BLACAT1: variants seen among roughly 807,000 people sequenced by gnomAD.
BLACAT1 encodes bladder cancer associated transcript 1.
downstream of BLACAT1, chr1:205,437,931 T>C (rs142389744): frequency 4.3e-4 from 66 of 152,298 alleles, no homozygotes; most frequent in African/African-American, 1.4e-3. Context: ...TCTTTTTTTT[T>C]CCTAAAAATA....
Position 205,440,443 on chromosome 1 carries a change from G to A in BLACAT1, c.*482C>T, listed in dbSNP as rs147490065. Among the ~76,000 whole-genome samples the A allele has an allele frequency of 1.9e-3, 283 of 152,304 alleles. 2 individuals are homozygous for A. Among genetic ancestry groups the A allele is most frequent in the African/African-American group, 6.6e-3 (273 of 41,572 alleles). ...TGCCCCAGGTCCTGGAATCCCAGGA[G>A]AGTCTCACACTTCCGCCCTGGAGGC... On this transcript the variant is annotated 3_prime_UTR_variant, in exon 2 of 2. Coordinates refer to ENST00000629624, the Ensembl canonical transcript of BLACAT1.
chr1:205,448,208 G>A lies in BLACAT1; in HGVS notation c.-36-7146C>T, dbSNP rs1249322554. 8 of 457,312 alleles carry A rather than the reference G, an allele frequency of 1.7e-5. No individual in the cohort carries two copies. The highest frequency in any genetic ancestry group is 4.8e-5 in the South Asian group (3 of 62,092). The allele number at this position is 457,312 out of a possible 1,614,324, so 28.3% of individuals were successfully genotyped here. On this transcript the variant is annotated intron_variant, in intron 1 of 1. Transcript: ENST00000629624. The surrounding 1 kb of genome is among the most constrained non-coding windows in gnomAD (Gnocchi z 4.7). ...CCCCGATCCCAGGTTACCAGATCCC[G>A]TGATGCCCCACCCCCAAGCAAAGCC...
At chr1:205,439,802 A>G (rs1666264126), downstream of BLACAT1, among the ~76,000 whole-genome samples, 1 of 152,122 alleles carries the variant, frequency 6.6e-6, no homozygotes, top group Non-Finnish European at 1.5e-5. Context: ...AGCCCCGGAG[A>G]ACTCCAGGAT....
intron 1 of BLACAT1, among the ~76,000 whole-genome samples, chr1:205,453,530 C>T (rs1453674759): frequency 6.6e-6 from 1 of 152,192 alleles, no homozygotes; most frequent in African/African-American, 2.4e-5. Flanking sequence ...AGCCTCAGTT[C>T]TGAGACTTCC....
chr1:205,442,239 G>A (rs756603664), intron 1 of BLACAT1, among the ~76,000 whole-genome samples: 2 of 152,184 alleles, frequency 1.3e-5, no homozygotes, highest in Non-Finnish European at 2.9e-5. Context: ...AGTGCTGCGG[G>A]GAAGGAGGGA....
At position 205,441,573 on chromosome 1, in the gene BLACAT1, C is replaced by T. The variant is rs78608896; in HGVS notation, c.-36-511G>A. ...TTTACTTTGACACCTGGGACCGAGT[C>T]AGATTCCTCCCTTCCTTAACAACCC... On this transcript the variant is annotated intron_variant, in intron 1 of 1. Transcript: ENST00000629624. The surrounding 1 kb of genome is among the most constrained non-coding windows in gnomAD (Gnocchi z 4.3). Among the ~76,000 whole-genome samples the T allele has an allele frequency of 1.7e-3, 252 of 152,284 alleles. No individual in the cohort carries two copies. Among genetic ancestry groups the T allele is most frequent in the Non-Finnish European group, 2.5e-3 (169 of 68,016 alleles).
intron 1 of BLACAT1, among the ~76,000 whole-genome samples, chr1:205,446,350 T>G (rs138073577): frequency 6.6e-5 from 10 of 152,334 alleles, no homozygotes; most frequent in Middle Eastern, 3.4e-3. Flanking sequence ...TTGCTCTATG[T>G]CCCTGCTGGT....
At chr1:205,444,790 A>G (rs2102470598) in intron 1 of BLACAT1, among the ~76,000 whole-genome samples, 1 of 152,108 alleles carries the variant, frequency 6.6e-6, no homozygotes, top group African/African-American at 2.4e-5. Context: ...TCTCTGATAA[A>G]CAAGAAGAGG....
At chr1:205,453,484 AT>A (rs764848025) in intron 1 of BLACAT1, among the ~76,000 whole-genome samples, 3 of 152,022 alleles carry the variant, frequency 2.0e-5, no homozygotes, top group Non-Finnish European at 4.4e-5. Flanking sequence ...GGAAAGCACA[AT>A]TTTTCCCCCA....
intron 1 of BLACAT1, among the ~76,000 whole-genome samples, chr1:205,451,098 G>C (rs143435939): frequency 6.6e-6 from 1 of 152,142 alleles, no homozygotes; most frequent in African/African-American, 2.4e-5. Flanking sequence ...CTGTGTATAA[G>C]GGCCACCTCA....
chr1:205,443,227 G>A (rs1427517795), intron 1 of BLACAT1, among the ~76,000 whole-genome samples: 1 of 152,116 alleles, frequency 6.6e-6, no homozygotes, highest in Non-Finnish European at 1.5e-5. Context: ...ACTAAAACAA[G>A]CCAGGCAGGT....
chr1:205,449,565 CCAA>C (rs1268755012), intron 1 of BLACAT1, among the ~76,000 whole-genome samples: 4 of 152,170 alleles, frequency 2.6e-5, no homozygotes, highest in Admixed American at 2.6e-4. Flanking sequence ...CCTGCATTCC[CCAA>C]CAACAGCACA....
chr1:205,451,870 G>A (rs1446158739), intron 1 of BLACAT1, among the ~76,000 whole-genome samples: 2 of 152,120 alleles, frequency 1.3e-5, no homozygotes, highest in Non-Finnish European at 2.9e-5. Flanking sequence ...GGTTGATGGA[G>A]GCTACAACTT....
At chr1:205,437,448 C>T (rs917974150), downstream of BLACAT1, 1 of 152,220 alleles carries the variant, frequency 6.6e-6, no homozygotes, top group Admixed American at 6.5e-5. Flanking sequence ...TTGGGCCTGG[C>T]TGTAGGAGGG....
In BLACAT1 at chr1:205,450,273, G is replaced by GTAT. The variant is rs1474741550; in HGVS notation, c.-37+5641_-37+5643dup. On this transcript the variant is annotated intron_variant, in intron 1 of 1. Coordinates refer to ENST00000629624, the Ensembl canonical transcript of BLACAT1. The surrounding 1 kb of genome is among the most constrained non-coding windows in gnomAD (Gnocchi z 4.4). ...ATCTCACTCCCTCTGAACCAGCCAT[G>GTAT]TATTACTCACGTCCCCCTGCCGGGC... 1.3e-4 allele frequency among the ~76,000 whole-genome samples: 19 copies of GTAT among 151,986 alleles called. No homozygotes were observed. The highest frequency in any genetic ancestry group is 1.2e-3 in the Admixed American group (19 of 15,270).
chr1:205,440,354 G>T (rs1265750076), exon 2 of BLACAT1, among the ~76,000 whole-genome samples: 3 of 152,218 alleles, frequency 2.0e-5, no homozygotes. Flanking sequence ...CACTGGGCTG[G>T]CCACCTCAGG....
Position 205,447,649 on chromosome 1 carries a change from G to A in BLACAT1, c.-36-6587C>T, listed in dbSNP as rs187901446. Among the ~76,000 whole-genome samples the A allele has an allele frequency of 3.0e-4, 45 of 152,122 alleles. No homozygotes were observed. The East Asian group carries it at 7.7e-3, about 26-fold the overall frequency. ...AGGCAAGCTGAGTGACAAGCAGGAC[G>A]GGGGCAGGGAGGGCTGGTGCCCTTC... is the stretch of plus-strand genomic sequence containing the variant. On this transcript the variant is annotated intron_variant, in intron 1 of 1. Transcript: ENST00000629624.
chr1:205,438,861 C>T (rs532354628), downstream of BLACAT1, among the ~76,000 whole-genome samples: 1 of 152,264 alleles, frequency 6.6e-6, no homozygotes, highest in South Asian at 2.1e-4. Flanking sequence ...ACTGCCAAAC[C>T]CCTGCAGCTG....
downstream of BLACAT1, among the ~76,000 whole-genome samples, chr1:205,438,443 G>A (rs1202495567): frequency 6.6e-6 from 1 of 152,248 alleles, no homozygotes; most frequent in Non-Finnish European, 1.5e-5. Flanking sequence ...CCAGGGCGCA[G>A]GGTCTGCGAA....
Sources: gnomAD v4.1 joint callset for allele counts (sites outside exome capture counted in the v4.1 genomes callset) on GRCh38, gnomAD v4.1.1 for gene constraint, Gnocchi (gnomAD v3.1) non-coding constraint, MANE v1.5 for transcripts, NCBI Gene and HGNC (gene_info 2026-07-23, HGNC 2026-07-21) for gene names.